The following ANKRD11 variants were observed in gnomAD, a reference collection of about 807,000 sequenced individuals.
The protein encoded by ANKRD11 is ankyrin repeat domain-containing protein 11.
Under a neutral mutation model 195.7 loss-of-function variants are expected in ANKRD11, and 17 were observed. The observed-to-expected ratio is 0.09, with a 90% CI of 0.06 to 0.13. The LOEUF is 0.13. Among genes scored for constraint, ANKRD11 ranks in the 10% least tolerant of loss-of-function variants. ANKRD11 has a pLI of 1.00. For synonymous variants in ANKRD11, 1,953 were observed against 1,528.1 expected (o/e 1.28, Z -6.49); for missense variants, 3,735 against 3,566.1 (o/e 1.05, Z -1.21).
At chr16:89,386,341 C>A (rs577517507) in intron 2 of ANKRD11, among the ~76,000 whole-genome samples, 1 of 152,080 alleles carries the variant, frequency 6.6e-6, no homozygotes, top group Admixed American at 6.6e-5. Flanking sequence ...GAGGGCAGCA[C>A]GACCAATTCC....
At chr16:89,383,182 CG>C (rs1294515938) in intron 2 of ANKRD11, among the ~76,000 whole-genome samples, 1 of 152,194 alleles carries the variant, frequency 6.6e-6, no homozygotes, top group African/African-American at 2.4e-5. Context: ...GTAAAGGGAG[CG>C]GTGCGAGGTC....
At chr16:89,327,110 T>C (rs1352832496) in intron 2 of ANKRD11, among the ~76,000 whole-genome samples, 1 of 146,496 alleles carries the variant, frequency 6.8e-6, no homozygotes, top group Non-Finnish European at 1.5e-5. Flanking sequence ...AATGCAGAGG[T>C]TGGAAATGCA....
At position 89,282,979 on chromosome 16, in the gene ANKRD11, C is replaced by A; in HGVS notation, c.3563G>T (p.Arg1188Leu). 6.2e-7 allele frequency: 1 copy of A among 1,613,698 alleles called. No homozygotes were observed. The highest frequency in any genetic ancestry group is 8.5e-7 in the Non-Finnish European group (1 of 1,180,028). ...DKEPRDRRKDRGAADAGRDKK... is the reference protein window; with the variant it reads ...DKEPRDRRKDLGAADAGRDKK... Reference sequence around the variant, plus strand: ...GTCTCTCCCCGCGTCGGCAGCCCCTCGGTCCTTTCTCCTGTCTCTGGGCTC... The same window carrying A: ...GTCTCTCCCCGCGTCGGCAGCCCCTAGGTCCTTTCTCCTGTCTCTGGGCTC... Residue 1188 changes from arginine (R) to leucine (L), a missense_variant, in exon 9 of 13, where the codon CGA becomes CTA. Coordinates refer to ENST00000301030, the MANE Select transcript of ANKRD11 (RefSeq NM_013275.6).
In ANKRD11 at chr16:89,270,877, G is replaced by A. The variant is rs1172918461; in HGVS notation, c.7746C>T (p.Phe2582=). 1.2e-6 allele frequency: 2 copies of A among 1,614,058 alleles called. No homozygotes were observed. The highest frequency in any genetic ancestry group is 1.1e-5 in the South Asian group (1 of 91,074). Residue 2582 remains phenylalanine (F), a synonymous_variant, in exon 12 of 13, where the codon TTC becomes TTT. Coordinates refer to ENST00000301030, the MANE Select transcript of ANKRD11 (RefSeq NM_013275.6). The stretch of plus-strand genomic sequence containing the variant: ...GCCAGGAGATGAACTGGCGGGCGTT[G>A]AAACGGTCGCGCACTGACTTGTTCT... ...GDENKSVRDR[F]NARQFISWLQ...
rs761117120 is a variant in ANKRD11, at chr16:89,284,600, T to C, written c.1942A>G (p.Ile648Val). The change falls in exon 9 of 13, where the codon ATC becomes GTC. Residue 648 changes from isoleucine to valine, a missense_variant. Transcript: ENST00000301030. ...HKNKEKGQCSISQELKLKSFT... is the reference protein window; with the variant it reads ...HKNKEKGQCSVSQELKLKSFT... ...CTTTTCAACTTCAGCTCTTGGCTGA[T>C]GGAACACTGTCCCTTCTCCTTGTTT... The C allele has an allele frequency of 1.9e-6, 3 of 1,614,210 alleles. No homozygotes were observed. Among genetic ancestry groups the C allele is most frequent in the Admixed American group, 1.7e-5 (1 of 60,022 alleles).
intron 2 of ANKRD11, among the ~76,000 whole-genome samples, chr16:89,375,238 C>T (rs947667714): frequency 2.6e-5 from 4 of 152,104 alleles, no homozygotes; most frequent in Admixed American, 6.5e-5. Flanking sequence ...TGACACTAAT[C>T]GTCTCCGCGT....
rs1018070537 is a variant in ANKRD11 at position 89,320,501 on chromosome 16, G to C, written c.-59-3423C>G. On this transcript the variant is annotated intron_variant, in intron 2 of 12. Coordinates refer to ENST00000301030, the MANE Select transcript of ANKRD11 (RefSeq NM_013275.6). ...CGGGAAGGTAAACGCAGAGCCGAGG[G>C]GCCGGCCAGCACCTGGCCCTGACCG... The C allele has an allele frequency of 5.3e-5, 8 of 152,354 alleles. No homozygotes were observed. In the East Asian group the frequency reaches 1.5e-3, roughly 29 times the overall value. 9.4% of individuals were successfully genotyped at this position (152,354 alleles called of 1,614,324 possible).
intron 1 of ANKRD11, among the ~76,000 whole-genome samples, chr16:89,435,964 G>A (rs913606406): frequency 3.9e-5 from 6 of 152,276 alleles, no homozygotes; most frequent in Admixed American, 6.5e-5. Context: ...GTTGTGTCCT[G>A]GAGCTGTGCT....
chr16:89,322,735 G>C (rs566884099), intron 2 of ANKRD11, among the ~76,000 whole-genome samples: 1 of 152,252 alleles, frequency 6.6e-6, no homozygotes, highest in African/African-American at 2.4e-5. Flanking sequence ...TGTGGCACCA[G>C]GGGCTTGCTC....
intron 2 of ANKRD11, among the ~76,000 whole-genome samples, chr16:89,387,360 G>A (rs1185117477): frequency 6.6e-6 from 1 of 152,136 alleles, no homozygotes; most frequent in Non-Finnish European, 1.5e-5. Context: ...TGCACCACAG[G>A]TCTGTGAAGT....
intron 2 of ANKRD11, among the ~76,000 whole-genome samples, chr16:89,416,746 G>A (rs1320144700): frequency 6.0e-5 from 9 of 149,122 alleles, no homozygotes; most frequent in Non-Finnish European, 4.4e-5. Flanking sequence ...CCTGGACAAC[G>A]TAACAAGACT....
intron 1 of ANKRD11, among the ~76,000 whole-genome samples, chr16:89,449,982 G>A (rs916559545): frequency 1.1e-4 from 17 of 152,170 alleles, no homozygotes; most frequent in Non-Finnish European, 2.2e-4. Context: ...AGCAAGGGGA[G>A]CCCTGCCTAA....
Position 89,368,371 on chromosome 16 carries a change from G to GT in ANKRD11, c.-60+49912dup, listed in dbSNP as rs71134210. On this transcript the variant is annotated intron_variant, in intron 2 of 12. Coordinates refer to ENST00000301030, the MANE Select transcript of ANKRD11 (RefSeq NM_013275.6). ...GCTGCCGTGCCTGGCTAATTTTTGTGTTTTTTTTTTTTTTTTTTTTTTTTT... is the reference window on the plus strand; with the variant it reads ...GCTGCCGTGCCTGGCTAATTTTTGTGTTTTTTTTTTTTTTTTTTTTTTTTTT... Among the ~76,000 whole-genome samples the GT allele has an allele frequency of 7.5e-3, 424 of 56,586 alleles. 26 individuals carry two copies. The highest frequency in any genetic ancestry group is 0.017 in the East Asian group (22 of 1,294). 37.1% of individuals were successfully genotyped at this position (56,586 alleles called of 152,430 possible). A position where few individuals can be genotyped will look rare whatever the true frequency, so the allele number is the denominator to read the frequency against.
rs1230434194 is a variant in ANKRD11, at chr16:89,279,814, G to C, written c.6728C>G (p.Pro2243Arg). The part of the protein sequence containing the change: ...GDPDSSVEPA[P>R]VPPEQRPLGS... ...CAGTGGGCGCTGTTCTGGGGGAACG[G>C]GCGCGGGCTCCACGCTGGAGTCCGG... Residue 2243 changes from proline to arginine, a missense_variant, in exon 9 of 13, where the codon CCC becomes CGC. Physicochemically the swap from Pro to Arg is moderately radical, Grantham distance 103. Coordinates refer to ENST00000301030, the MANE Select transcript of ANKRD11 (RefSeq NM_013275.6). This position sits in a 1 kb window ranked among gnomAD's most constrained non-coding sequence, Gnocchi z 5.6. 2 of 1,542,720 alleles carry C rather than the reference G, an allele frequency of 1.3e-6. No individual in the cohort carries two copies. The highest frequency in any genetic ancestry group is 2.4e-5 in the East Asian group (1 of 41,000).
intron 2 of ANKRD11, chr16:89,372,905 G>A (rs187491241): frequency 6.6e-6 from 1 of 152,236 alleles, no homozygotes. Flanking sequence ...GAAGCTCCCG[G>A]GTGACCCAGT....
At position 89,285,971 on chromosome 16, in the gene ANKRD11, A is replaced by G. The variant is rs541387398; in HGVS notation, c.892+68T>C. 1.2e-6 allele frequency: 2 copies of G among 1,610,876 alleles called. No individual in the cohort carries two copies. The highest frequency in any genetic ancestry group is 2.7e-5 in the African/African-American group (2 of 75,020). On this transcript the variant is annotated intron_variant, in intron 8 of 12. Coordinates refer to ENST00000301030, the MANE Select transcript of ANKRD11 (RefSeq NM_013275.6). The surrounding 1 kb of genome is among the most constrained non-coding windows in gnomAD (Gnocchi z 5.6). ...GCTGATCAGAGGGGCAACACTGTGC[A>G]AACACCACAGGGCAGCTCCTACCAT... is the stretch of plus-strand genomic sequence containing the variant.
In ANKRD11 at chr16:89,280,835, G is replaced by A. The variant is rs1271725020; in HGVS notation, c.5707C>T (p.Leu1903Phe). 2 of 1,601,566 alleles carry A rather than the reference G, an allele frequency of 1.2e-6. No individual in the cohort carries two copies. The highest frequency in any genetic ancestry group is 1.7e-5 in the Admixed American group (1 of 59,286). Residue 1903 changes from leucine to phenylalanine, a missense_variant, in exon 9 of 13, where the codon CTC becomes TTC. Transcript: ENST00000301030. ...SPRAELLVPS[L>F]EGALPPDLDT... Reference sequence around the variant, plus strand: ...AGGTCCGGGGGAAGGGCCCCTTCGAGGGAAGGAACCAGCAGCTCGGCTCTG... The same window carrying A: ...AGGTCCGGGGGAAGGGCCCCTTCGAAGGAAGGAACCAGCAGCTCGGCTCTG...
intron 1 of ANKRD11, among the ~76,000 whole-genome samples, chr16:89,436,132 C>T (rs1165602095): frequency 2.6e-5 from 4 of 152,050 alleles, no homozygotes; most frequent in East Asian, 1.9e-4. Context: ...CATGATAATT[C>T]GGCCGGGCAC....
chr16:89,352,077 G>T (rs1427621137), intron 2 of ANKRD11, among the ~76,000 whole-genome samples: 1 of 151,444 alleles, frequency 6.6e-6, no homozygotes, highest in African/African-American at 2.4e-5. Flanking sequence ...TTGTGTAGAG[G>T]CGGGGGTTTC....
Sources: allele counts gnomAD v4.1 joint callset (sites outside exome capture counted in the v4.1 genomes callset), GRCh38; gene constraint gnomAD v4.1.1; non-coding constraint Gnocchi (gnomAD v3.1); transcripts MANE v1.5; gene names NCBI Gene and HGNC (gene_info 2026-07-23, HGNC 2026-07-21).